STPG2: variants seen among roughly 807,000 people sequenced by gnomAD.
The protein encoded by STPG2 is sperm-tail PG-rich repeat-containing protein 2.
In STPG2, 56 loss-of-function variants were observed where a neutral mutation model predicts 54.2. The ratio of observed to expected loss-of-function variants is 1.03; its 90% CI spans 0.83 to 1.29. The LOEUF (loss-of-function observed/expected upper bound fraction) is 1.29, where lower values mean the gene tolerates loss of function less well. Among genes scored for constraint, STPG2 ranks in the 50% most tolerant of loss-of-function variants. STPG2 has a pLI of 0.00. For synonymous variants in STPG2, 200 were observed against 181.8 expected (o/e 1.10, Z -0.81); for missense variants, 596 against 544.9 (o/e 1.09, Z -0.93).
chr4:97,978,500 G>A (rs759166108), intron 6 of STPG2, among the ~76,000 whole-genome samples: 1 of 151,984 alleles, frequency 6.6e-6, no homozygotes, highest in Admixed American at 6.6e-5. Context: ...CAGACAATGG[G>A]GCCTACCAGT....
At chr4:97,663,669 T>G (rs1335368476) in intron 10 of STPG2, among the ~76,000 whole-genome samples, 1 of 152,176 alleles carries the variant, frequency 6.6e-6, no homozygotes, top group Non-Finnish European at 1.5e-5. Context: ...TACAAATCAT[T>G]GCCAATCCCA....
intron 8 of STPG2, among the ~76,000 whole-genome samples, chr4:97,871,515 C>A (rs945737639): frequency 6.6e-6 from 1 of 151,012 alleles, no homozygotes; most frequent in East Asian, 1.9e-4. Context: ...TACTAGTCTA[C>A]TTTTCAGACC....
At chr4:97,738,450 C>T (rs1725100018) in intron 9 of STPG2, among the ~76,000 whole-genome samples, 1 of 152,120 alleles carries the variant, frequency 6.6e-6, no homozygotes, top group South Asian at 2.1e-4. Context: ...AATCAGAGTG[C>T]TGTATTCAGG....
At chr4:97,680,058 T>C (rs1439618851) in intron 10 of STPG2, among the ~76,000 whole-genome samples, 2 of 152,112 alleles carry the variant, frequency 1.3e-5, no homozygotes, top group African/African-American at 4.8e-5. Flanking sequence ...AATCAGGTAG[T>C]GTGATGCCTC....
intron 10 of STPG2, among the ~76,000 whole-genome samples, chr4:97,672,128 T>C (rs941161353): frequency 3.3e-5 from 5 of 151,336 alleles, no homozygotes; most frequent in Admixed American, 1.3e-4. Context: ...TAAAAAACTG[T>C]CTCAAAAAAG....
At position 97,443,587 on chromosome 4, in the gene STPG2, T is replaced by C. The variant is rs370085320; in HGVS notation, c.463-255754A>G. Among the ~76,000 whole-genome samples the C allele has an allele frequency of 7.9e-5, 12 of 152,226 alleles. No individual in the cohort carries two copies. In the South Asian group the frequency reaches 1.5e-3, roughly 18 times the overall value. Reference sequence around the variant, plus strand: ...CTATTATTAGAATAAGAGAAGGTTATACTCTAAAAATATGGGTAATAAGAA... The same window carrying C: ...CTATTATTAGAATAAGAGAAGGTTACACTCTAAAAATATGGGTAATAAGAA... On this transcript the variant is annotated intron_variant, in intron 4 of 4. Transcript: ENST00000522676.
chr4:98,089,474 C>T (rs1440384737), intron 5 of STPG2, among the ~76,000 whole-genome samples: 1 of 151,630 alleles, frequency 6.6e-6, no homozygotes, highest in Non-Finnish European at 1.5e-5. Flanking sequence ...TAGGTTGGTT[C>T]CATATCTTTG....
intron 10 of STPG2, among the ~76,000 whole-genome samples, chr4:97,640,953 G>A (rs2148945280): frequency 6.6e-6 from 1 of 151,490 alleles, no homozygotes; most frequent in Non-Finnish European, 1.5e-5. Context: ...AGAATTATGA[G>A]GAACAAAAGA....
intron 4 of STPG2, among the ~76,000 whole-genome samples, chr4:97,529,226 T>A (rs983020504): frequency 3.3e-5 from 5 of 152,218 alleles, no homozygotes; most frequent in African/African-American, 1.2e-4. Context: ...CTTTTCTGCA[T>A]CTATGGAGAT....
At chr4:97,913,966 C>A (rs1454472088) in intron 8 of STPG2, among the ~76,000 whole-genome samples, 1 of 151,966 alleles carries the variant, frequency 6.6e-6, no homozygotes. Flanking sequence ...AATTGCAAAT[C>A]CTGAGAATAT....
chr4:97,931,001 T>C (rs918496905), intron 8 of STPG2, among the ~76,000 whole-genome samples: 2 of 152,228 alleles, frequency 1.3e-5, no homozygotes, highest in African/African-American at 2.4e-5. Context: ...TGTTGGTGTA[T>C]GAAAATATTA....
At chr4:97,511,396 C>A (rs1730969360) in intron 4 of STPG2, among the ~76,000 whole-genome samples, 1 of 151,644 alleles carries the variant, frequency 6.6e-6, no homozygotes, top group African/African-American at 2.4e-5. Context: ...ATAATAATTT[C>A]AATAAGAAAG....
chr4:97,571,366 A>T (rs1389105034), intron 10 of STPG2, among the ~76,000 whole-genome samples: 1 of 152,200 alleles, frequency 6.6e-6, no homozygotes, highest in African/African-American at 2.4e-5. Flanking sequence ...AACCCAAGAG[A>T]CTGTTTCAGG....
intron 10 of STPG2, among the ~76,000 whole-genome samples, chr4:97,654,324 A>C (rs1223248099): frequency 1.3e-5 from 2 of 152,158 alleles, no homozygotes; most frequent in Non-Finnish European, 2.9e-5. Flanking sequence ...TGCATATTAA[A>C]ATTATATTTT....
rs553470953 is a variant in STPG2, at chr4:97,541,630, T to C, written c.462+171069A>G. 8.2e-3 allele frequency among the ~76,000 whole-genome samples: 1,254 copies of C among 152,098 alleles called. 9 individuals carry two copies. The highest frequency in any genetic ancestry group is 0.013 in the Non-Finnish European group (907 of 67,922). Reference sequence around the variant, plus strand: ...AATTGGAAAAACCTACTTTAGAGTTTATATGGAACCAAAAAAGAGCCTGCA... The same window carrying C: ...AATTGGAAAAACCTACTTTAGAGTTCATATGGAACCAAAAAAGAGCCTGCA... On this transcript the variant is annotated intron_variant, in intron 4 of 4. Coordinates refer to the STPG2 transcript ENST00000522676.
At chr4:97,966,707 G>A (rs898703985) in intron 7 of STPG2, among the ~76,000 whole-genome samples, 1 of 152,066 alleles carries the variant, frequency 6.6e-6, no homozygotes, top group African/African-American at 2.4e-5. Flanking sequence ...GAAGAGACTG[G>A]GGGACAATAT....
intron 5 of STPG2, chr4:98,026,348 G>A (rs1736420523): frequency 2.1e-6 from 1 of 487,056 alleles, no homozygotes; most frequent in Non-Finnish European, 3.7e-6. Context: ...TACCGTGTTA[G>A]TTACCGATTT....
intron 4 of STPG2, among the ~76,000 whole-genome samples, chr4:97,516,269 A>G (rs2148844154): frequency 6.6e-6 from 1 of 152,234 alleles, no homozygotes; most frequent in South Asian, 2.1e-4. Context: ...TATTTGCAGT[A>G]ACTTTGGCCA....
intron 6 of STPG2, among the ~76,000 whole-genome samples, chr4:97,975,295 A>G (rs151118264): frequency 1.5e-3 from 230 of 152,312 alleles, no homozygotes; most frequent in African/African-American, 4.0e-3. Context: ...GGTATACCTC[A>G]ATAGAGCAGA....
Sources: gnomAD v4.1 joint callset for allele counts (sites outside exome capture counted in the v4.1 genomes callset) on GRCh38, gnomAD v4.1.1 for gene constraint, MANE v1.5 for transcripts, NCBI Gene and HGNC (gene_info 2026-07-23, HGNC 2026-07-21) for gene names.